Variants in CDH12 observed in about 807,000 individuals in gnomAD.
CDH12 encodes cadherin-12.
Under a neutral mutation model 74.1 loss-of-function variants are expected in CDH12, and 41 were observed. The ratio of observed to expected loss-of-function variants is 0.55; its 90% CI spans 0.43 to 0.72. The LOEUF (loss-of-function observed/expected upper bound fraction) is 0.72, where lower values mean the gene tolerates loss of function less well. Among genes scored for constraint, CDH12 ranks in the 30% least tolerant of loss-of-function variants. The probability of loss-of-function intolerance (pLI) is 0.00; values close to 1 mark genes in which losing one functional copy is unlikely to be tolerated. For synonymous variants in CDH12, 399 were observed against 355.0 expected, an observed-to-expected ratio of 1.12 and a Z score of -1.39; for missense variants, 945 against 977.2, an observed-to-expected ratio of 0.97 and a Z score of 0.44.
At chr5:22,561,344 A>G (rs1739037004) in intron 1 of CDH12, among the ~76,000 whole-genome samples, 1 of 152,178 alleles carries the variant, frequency 6.6e-6, no homozygotes, top group Non-Finnish European at 1.5e-5. Flanking sequence ...TTATTCAAAT[A>G]TTCCATTTTC....
At chr5:22,384,952 ATTGT>A (rs1388254367) in intron 3 of CDH12, among the ~76,000 whole-genome samples, 1 of 152,194 alleles carries the variant, frequency 6.6e-6, no homozygotes, top group Non-Finnish European at 1.5e-5. Context: ...GTTTCTACAA[ATTGT>A]TTATGATTTG....
intron 1 of CDH12, among the ~76,000 whole-genome samples, chr5:22,696,946 T>C (rs902742365): frequency 5.7e-4 from 87 of 151,930 alleles, no homozygotes; most frequent in African/African-American, 1.9e-3. Flanking sequence ...GTATGTAATG[T>C]TCAAGAAAAA....
chr5:21,756,057 A>T (rs1244522127), intron 13 of CDH12, among the ~76,000 whole-genome samples: 1 of 152,192 alleles, frequency 6.6e-6, no homozygotes, highest in African/African-American at 2.4e-5. Context: ...AGAAGAATTA[A>T]ATTTTCTATT....
At position 22,758,667 on chromosome 5, in the gene CDH12, A is replaced by G. The variant is rs1746056684; in HGVS notation, c.-523+94391T>C. Among the ~76,000 whole-genome samples the G allele has an allele frequency of 1.3e-5, 2 of 152,138 alleles. 1 individual carries two copies. Among genetic ancestry groups the G allele is most frequent in the South Asian group, 4.1e-4 (2 of 4,834 alleles). ...AAGAGTAAACTTTGTTTGCTTTAAT[A>G]ATACTAAATTGTAACATCATATTTT... On this transcript the variant is annotated intron_variant, in intron 1 of 14. Transcript: ENST00000382254.
intron 1 of CDH12, among the ~76,000 whole-genome samples, chr5:22,547,681 C>T (rs941741852): frequency 6.6e-6 from 1 of 152,006 alleles, no homozygotes; most frequent in African/African-American, 2.4e-5. Context: ...CATGTATCAA[C>T]TAATACATCA....
chr5:22,692,729 A>G (rs969360685), intron 1 of CDH12, among the ~76,000 whole-genome samples: 9 of 152,218 alleles, frequency 5.9e-5, no homozygotes, highest in African/African-American at 2.2e-4. Context: ...GAATCCTTGT[A>G]TGATTCCAGT....
At chr5:22,668,326 G>A (rs1032875182) in intron 1 of CDH12, among the ~76,000 whole-genome samples, 1 of 152,222 alleles carries the variant, frequency 6.6e-6, no homozygotes, top group African/African-American at 2.4e-5. Flanking sequence ...AAAAGCACAT[G>A]TGCACCTGAA....
intron 6 of CDH12, among the ~76,000 whole-genome samples, chr5:21,945,837 C>T (rs1040601912): frequency 1.6e-4 from 25 of 151,616 alleles, no homozygotes; most frequent in African/African-American, 5.3e-4. Context: ...ATATAGAAGA[C>T]GAGGAGATAG....
chr5:22,142,350 T>C (rs537861706), intron 4 of CDH12: 10 of 412,942 alleles, frequency 2.4e-5, no homozygotes, highest in Admixed American at 2.3e-4. Flanking sequence ...GAGGAACTGC[T>C]AGGGTAGTAG....
chr5:22,091,970 C>A (rs192922804), intron 4 of CDH12, among the ~76,000 whole-genome samples: 51 of 151,036 alleles, frequency 3.4e-4, no homozygotes, highest in African/African-American at 1.1e-3. Flanking sequence ...ATGTGGATAT[C>A]CAATTGACCC....
intron 3 of CDH12, among the ~76,000 whole-genome samples, chr5:22,283,132 T>A (rs1276485005): frequency 6.6e-6 from 1 of 150,696 alleles, no homozygotes; most frequent in African/African-American, 2.4e-5. Context: ...TATTTGTCCA[T>A]CTTCTAGAAA....
chr5:22,131,021 C>T (rs1055041667), intron 4 of CDH12, among the ~76,000 whole-genome samples: 1 of 151,930 alleles, frequency 6.6e-6, no homozygotes, highest in Non-Finnish European at 1.5e-5. Context: ...GTGGTCAGCT[C>T]CTTATTATTG....
chr5:22,645,119 T>G lies in CDH12; in HGVS notation c.-522-139755A>C, dbSNP rs1169950087. On this transcript the variant is annotated intron_variant, in intron 1 of 14. Transcript: ENST00000382254. ...ATCTTCACTTTCAAGTAGTATTATTTAAGAAATACATTTTGTAAAGCAATA... is the reference window on the plus strand; with the variant it reads ...ATCTTCACTTTCAAGTAGTATTATTGAAGAAATACATTTTGTAAAGCAATA... 2.0e-5 allele frequency among the ~76,000 whole-genome samples: 3 copies of G among 152,224 alleles called. No individual in the cohort carries two copies. The East Asian group carries it at 5.8e-4, about 29-fold the overall frequency.
intron 1 of CDH12, among the ~76,000 whole-genome samples, chr5:22,657,310 G>A (rs867592310): frequency 8.5e-5 from 13 of 152,088 alleles, no homozygotes; most frequent in African/African-American, 2.4e-4. Context: ...AGCTCTTGTC[G>A]CAATCTGGAG....
At chr5:22,317,785 G>T (rs975265166) in intron 3 of CDH12, among the ~76,000 whole-genome samples, 4 of 152,124 alleles carry the variant, frequency 2.6e-5, no homozygotes, top group African/African-American at 9.7e-5. Context: ...GCAATAATTT[G>T]TCTTGATGCC....
chr5:21,853,753 T>C (rs917689493), intron 7 of CDH12, among the ~76,000 whole-genome samples: 31 of 151,740 alleles, frequency 2.0e-4, no homozygotes, highest in Non-Finnish European at 1.2e-4. Context: ...CAAATGCATG[T>C]TGGTATTTAA....
chr5:22,328,606 C>A (rs986517286), intron 3 of CDH12, among the ~76,000 whole-genome samples: 7 of 152,050 alleles, frequency 4.6e-5, no homozygotes, highest in Admixed American at 2.0e-4. Context: ...GGTTGAATAG[C>A]ATAGAAGCAG....
intron 6 of CDH12, among the ~76,000 whole-genome samples, chr5:21,886,107 T>C (rs1323406202): frequency 6.6e-6 from 1 of 152,204 alleles, no homozygotes; most frequent in African/African-American, 2.4e-5. Flanking sequence ...TTCTAGCAAC[T>C]GTGCTTTCAT....
chr5:22,626,009 G>A (rs1738271058), intron 1 of CDH12, among the ~76,000 whole-genome samples: 1 of 152,050 alleles, frequency 6.6e-6, no homozygotes, highest in African/African-American at 2.4e-5. Context: ...TGTACTGGCA[G>A]TGTCAGTGCA....
Sources: gnomAD v4.1 joint callset for allele counts (sites outside exome capture counted in the v4.1 genomes callset) on GRCh38, gnomAD v4.1.1 for gene constraint, MANE v1.5 for transcripts, NCBI Gene and HGNC (gene_info 2026-07-23, HGNC 2026-07-21) for gene names.